MSI1: variants seen among roughly 807,000 people sequenced by gnomAD.
The protein encoded by MSI1 is musashi RNA binding protein 1.
MSI1 carries 15 observed loss-of-function variants against 54.4 expected under a neutral mutation model. The ratio of observed to expected loss-of-function variants is 0.28; its 90% confidence interval spans 0.18 to 0.42. The LOEUF is 0.42. Ranked by LOEUF, MSI1 falls within the 20% of genes least tolerant of loss-of-function variation. The pLI is 1.00. For missense variants in MSI1, 304 were observed against 506.0 expected, an observed-to-expected ratio of 0.60 and a Z score of 3.83; for synonymous variants, 200 against 196.5, an observed-to-expected ratio of 1.02 and a Z score of -0.15.
chr12:120,350,962 C>T (rs1036588356), intron 11 of MSI1, among the ~76,000 whole-genome samples: 4 of 152,144 alleles, frequency 2.6e-5, no homozygotes, highest in South Asian at 2.1e-4. Context: ...CAGCTGGCAC[C>T]GAGGGCAGGT....
rs531682921 is a variant in MSI1, at chr12:120,368,327, C to A, written c.101-54G>T. 9.8e-5 allele frequency: 101 copies of A among 1,029,210 alleles called. No homozygotes were observed. Among genetic ancestry groups the A allele is most frequent in the Admixed American group, 7.0e-4 (11 of 15,758 alleles). 63.8% of individuals were successfully genotyped at this position (1,029,210 alleles called of 1,614,324 possible). The stretch of plus-strand genomic sequence containing the variant: ...GCCCGGGCCCCGCGCCCTTCCCCCC[C>A]CCCCGTCCTTTGCCCCCGGTGACCC... On this transcript the variant is annotated intron_variant, in intron 2 of 14. Coordinates refer to ENST00000257552, the MANE Select transcript of MSI1 (RefSeq NM_002442.4). The surrounding 1 kb of genome is among the most constrained non-coding windows in gnomAD (Gnocchi z 6.6).
rs954286495 is a variant in MSI1, at chr12:120,346,446, C to T, written c.860-124G>A. The T allele has an allele frequency of 8.2e-6, 8 of 980,318 alleles. No individual in the cohort carries two copies. The East Asian group carries it at 8.6e-5, about 11-fold the overall frequency. The allele number at this position is 980,318 out of a possible 1,614,324, so 60.7% of individuals were successfully genotyped here. A position where few individuals can be genotyped will look rare whatever the true frequency, so the allele number is the denominator to read the frequency against. On this transcript the variant is annotated intron_variant, in intron 12 of 14. Transcript: ENST00000257552. ...CATTTCAGAAAGTCCTGTGGGCCCA[C>T]CTCCTGGAGATCTCCCCATGCCCAT...
intron 7 of MSI1, among the ~76,000 whole-genome samples, 174 bp downstream of exon 7, chr12:120,358,831 G>A (rs1232370415): frequency 6.6e-6 from 1 of 152,188 alleles, no homozygotes; most frequent in Non-Finnish European, 1.5e-5. Flanking sequence ...AATTCGGCAA[G>A]TTTCTAGCAC....
intron 5 of MSI1, among the ~76,000 whole-genome samples, chr12:120,363,706 C>T (rs1015391195): frequency 6.6e-6 from 1 of 152,218 alleles, no homozygotes; most frequent in Admixed American, 6.5e-5. Flanking sequence ...GGAATTAACC[C>T]AGTTCCAACC....
rs140373194 is a variant in MSI1 at position 120,359,839 on chromosome 12, C to G, written c.403-786G>C. ...ATAAATCAGGGGCTGCCTCTGATAC[C>G]CAACCCAATCCTACTCCAGGCCCCA... On this transcript the variant is annotated intron_variant, in intron 6 of 14. Transcript: ENST00000257552. Among the ~76,000 whole-genome samples the G allele has an allele frequency of 3.6e-3, 541 of 152,172 alleles. 1 individual carries two copies. Among genetic ancestry groups the G allele is most frequent in the South Asian group, 4.6e-3 (22 of 4,814 alleles).
intron 4 of MSI1, among the ~76,000 whole-genome samples, chr12:120,367,107 G>A (rs544996677): frequency 4.7e-4 from 72 of 152,212 alleles, no homozygotes; most frequent in African/African-American, 1.5e-3. Flanking sequence ...GGGGACAGGC[G>A]GTAATTTGAC....
rs1076206 is a variant in MSI1, at chr12:120,345,758, T to A, written c.1048-126A>T. On this transcript the variant is annotated intron_variant, in intron 13 of 14. Coordinates refer to ENST00000257552, the MANE Select transcript of MSI1 (RefSeq NM_002442.4). ...TCTCTACCTGTCCGGATCGCCCCCC[T>A]ACTGCAGGTCTGCCTACCCGGATCA... 293 of 1,146,118 alleles carry A rather than the reference T, an allele frequency of 2.6e-4. 1 individual carries two copies. Among genetic ancestry groups the A allele is most frequent in the Non-Finnish European group, 3.4e-4 (264 of 771,060 alleles). The allele number at this position is 1,146,118 out of a possible 1,614,324, so 71.0% of individuals were successfully genotyped here. A position where few individuals can be genotyped will look rare whatever the true frequency, so the allele number is the denominator to read the frequency against.
At chr12:120,360,413 C>A (rs35842297) in intron 6 of MSI1, among the ~76,000 whole-genome samples, 51,621 of 152,146 alleles carry the variant, frequency 0.34, 10,764 homozygotes, top group South Asian at 0.47. Flanking sequence ...CAGGACCCCA[C>A]TGAGCCAGGA....
intron 4 of MSI1, among the ~76,000 whole-genome samples, chr12:120,366,597 C>T (rs1011561979): frequency 6.6e-6 from 1 of 152,170 alleles, no homozygotes; most frequent in Non-Finnish European, 1.5e-5. Context: ...ACACACCCCA[C>T]CTCCACTGTG....
intron 9 of MSI1, among the ~76,000 whole-genome samples, chr12:120,356,545 T>A (rs1444671103): frequency 6.6e-6 from 1 of 152,196 alleles, no homozygotes; most frequent in East Asian, 1.9e-4. Flanking sequence ...ATTGTTGCAG[T>A]TCCTGGCATA....
chr12:120,357,711 G>T, intron 8 of MSI1, 105 bp downstream of exon 8: 5 of 1,079,064 alleles, frequency 4.6e-6, no homozygotes, highest in Non-Finnish European at 5.5e-6. Context: ...TCACTGTGTT[G>T]GCCAATCTGG....
At chr12:120,365,182 A>G (rs1875938746) in intron 4 of MSI1, among the ~76,000 whole-genome samples, 1 of 152,072 alleles carries the variant, frequency 6.6e-6, no homozygotes, top group Non-Finnish European at 1.5e-5. Flanking sequence ...AAGTCCCGGG[A>G]TTACAGGCAC....
chr12:120,345,885 C>A (rs1874073312), intron 13 of MSI1, among the ~76,000 whole-genome samples: 1 of 152,144 alleles, frequency 6.6e-6, no homozygotes, highest in Non-Finnish European at 1.5e-5. Flanking sequence ...AATCAAACCT[C>A]CATGTGAGCA....
chr12:120,355,731 T>C (rs1475352194), intron 9 of MSI1, among the ~76,000 whole-genome samples: 3 of 152,356 alleles, frequency 2.0e-5, no homozygotes, highest in African/African-American at 7.2e-5. Flanking sequence ...TACTGTTTTA[T>C]TTTTGCAGCT....
intron 6 of MSI1, among the ~76,000 whole-genome samples, chr12:120,361,109 G>C (rs1199571383): frequency 6.6e-6 from 1 of 152,140 alleles, no homozygotes; most frequent in Non-Finnish European, 1.5e-5. Context: ...GCTGGGGAGA[G>C]AGCAGCCAGA....
At position 120,346,618 on chromosome 12, in the gene MSI1, T is replaced by G. The variant is rs78631075; in HGVS notation, c.860-296A>C. Among the ~76,000 whole-genome samples, 87 of 152,120 alleles carry G rather than the reference T, an allele frequency of 5.7e-4. 1 individual carries two copies. In the East Asian group the frequency reaches 0.017, roughly 30 times the overall value. Reference sequence around the variant, plus strand: ...CCCGCGTCCCTCTGCTACTTGCAATTTCCACTGTCTCCCCACCACCCGGGC... The same window carrying G: ...CCCGCGTCCCTCTGCTACTTGCAATGTCCACTGTCTCCCCACCACCCGGGC... On this transcript the variant is annotated intron_variant, in intron 12 of 14. Coordinates refer to ENST00000257552, the MANE Select transcript of MSI1 (RefSeq NM_002442.4).
rs1449886007 is a variant in MSI1 at position 120,368,367 on chromosome 12, C to T, written c.101-94G>A. On this transcript the variant is annotated intron_variant, in intron 2 of 14. Transcript: ENST00000257552. The surrounding 1 kb of genome is among the most constrained non-coding windows in gnomAD (Gnocchi z 6.6). The stretch of plus-strand genomic sequence containing the variant: ...CCCGGTGACCCCGGAGCGGCCCGGC[C>T]GCCCCCGCGCCAAGCTGCCCGCGCG... 15 of 1,341,168 alleles carry T rather than the reference C, an allele frequency of 1.1e-5. No individual in the cohort carries two copies. The Admixed American group carries it at 1.8e-4, about 16-fold the overall frequency. 83.1% of individuals were successfully genotyped at this position (1,341,168 alleles called of 1,614,324 possible).
intron 4 of MSI1, among the ~76,000 whole-genome samples, chr12:120,367,286 CT>C (rs992930885): frequency 1.1e-4 from 16 of 152,196 alleles, no homozygotes; most frequent in African/African-American, 3.6e-4. Context: ...TAACCCCCTC[CT>C]CTGACTTTTC....
intron 8 of MSI1, among the ~76,000 whole-genome samples, chr12:120,357,421 G>A (rs970648643): frequency 2.0e-5 from 3 of 152,130 alleles, no homozygotes; most frequent in Non-Finnish European, 4.4e-5. Flanking sequence ...GAACCTCATA[G>A]CTTCCCTGGC....
Sources: allele counts gnomAD v4.1 joint callset (sites outside exome capture counted in the v4.1 genomes callset), GRCh38; gene constraint gnomAD v4.1.1; non-coding constraint Gnocchi (gnomAD v3.1); transcripts MANE v1.5; gene names NCBI Gene and HGNC (gene_info 2026-07-23, HGNC 2026-07-21).